The following USH1C variants were observed in gnomAD, a reference collection of about 807,000 sequenced individuals.
USH1C encodes the protein harmonin.
In USH1C, 90 loss-of-function variants were observed where a neutral mutation model predicts 119.3. The ratio of observed to expected loss-of-function variants is 0.75; its 90% CI spans 0.64 to 0.90. USH1C has a LOEUF of 0.90. USH1C is among the 40% of genes least tolerant of loss of function. The probability of loss-of-function intolerance (pLI) is 0.00; values close to 1 mark genes in which losing one functional copy is unlikely to be tolerated. For synonymous variants in USH1C, 465 were observed against 443.3 expected, an observed-to-expected ratio of 1.05 and a Z score of -0.62; for missense variants, 1,165 against 1,167.7, an observed-to-expected ratio of 1.00 and a Z score of 0.03.
intron 12 of USH1C, 30 bp from the exon 13 acceptor site, chr11:17,521,441 G>A (rs191271622): frequency 1.2e-6 from 2 of 1,610,136 alleles, no homozygotes; most frequent in Admixed American, 3.3e-5. Context: ...TGGCATGTTT[G>A]GCCCTATGCA....
At chr11:17,540,976 C>T (rs1255556579) in intron 1 of USH1C, among the ~76,000 whole-genome samples, 7 of 152,212 alleles carry the variant, frequency 4.6e-5, no homozygotes, top group African/African-American at 1.4e-4. Flanking sequence ...TCTCCACTCA[C>T]GATTCCTCTG....
rs1850676846 is a variant in USH1C, at chr11:17,526,424, C to G, written c.597G>C (p.Leu199=). 6.2e-7 allele frequency: 1 copy of G among 1,613,970 alleles called. No individual in the cohort carries two copies. Among genetic ancestry groups the G allele is most frequent in the African/African-American group, 1.3e-5 (1 of 74,938 alleles). Residue 199 remains leucine (L), a synonymous_variant, in exon 8 of 27, where the codon CTG becomes CTC. Coordinates refer to ENST00000005226, the MANE Select transcript of USH1C (RefSeq NM_153676.4). ...TGTTTTCCCGATTTCCAGGGGAGCCCAGGCTGCCTCGCACGCCCTGAAAGA... is the reference window on the plus strand; with the variant it reads ...TGTTTTCCCGATTTCCAGGGGAGCCGAGGCTGCCTCGCACGCCCTGAAAGA... ...VSESGGVRGS[L]GSPGNRENKE...
chr11:17,501,629 CT>C, intron 21 of USH1C, 94 bp from the exon 22 acceptor site: 1 of 1,397,636 alleles, frequency 7.2e-7, no homozygotes, highest in Admixed American at 1.9e-5. Context: ...CTATGGGACA[CT>C]GGGCCCCACA....
chr11:17,521,266 G>C (rs763592170), intron 13 of USH1C, 80 bp downstream of exon 13: 1 of 1,478,896 alleles, frequency 6.8e-7, no homozygotes, highest in Non-Finnish European at 9.5e-7. Context: ...AACTGGTTCT[G>C]GAGGCAGCCT....
At chr11:17,544,224 C>T in intron 1 of USH1C, 48 bp downstream of exon 1, 2 of 1,612,944 alleles carry the variant, frequency 1.2e-6, no homozygotes, top group Non-Finnish European at 1.7e-6. Flanking sequence ...ACCCACCGCG[C>T]CCAGGACTCC....
chr11:17,516,746 C>G (rs1328952946), intron 14 of USH1C: 1 of 274,126 alleles, frequency 3.6e-6, no homozygotes, highest in Non-Finnish European at 7.1e-6. Flanking sequence ...AACTGTTGTT[C>G]GACAGAACAA....
In USH1C at chr11:17,516,224, A is replaced by T; in HGVS notation, c.1260+17T>A. Reference sequence around the variant, plus strand: ...AAACTAAGCAGCACACCAGCACAGCACCCAACCCTGTCCTACCTTCCGGAT... The same window carrying T: ...AAACTAAGCAGCACACCAGCACAGCTCCCAACCCTGTCCTACCTTCCGGAT... On this transcript the variant is annotated intron_variant, in intron 15 of 26. Coordinates refer to ENST00000005226, the MANE Select transcript of USH1C (RefSeq NM_153676.4). The T allele has an allele frequency of 6.2e-7, 1 of 1,613,628 alleles. No individual in the cohort carries two copies. Among genetic ancestry groups the T allele is most frequent in the Non-Finnish European group, 8.5e-7 (1 of 1,179,828 alleles).
At chr11:17,512,525 CT>C (rs1481335183) in intron 15 of USH1C, among the ~76,000 whole-genome samples, 2 of 152,224 alleles carry the variant, frequency 1.3e-5, no homozygotes, top group African/African-American at 4.8e-5. Context: ...CACATGCCTT[CT>C]GCATCATCTC....
chr11:17,522,673 C>T, intron 12 of USH1C, 111 bp downstream of exon 12: 1 of 1,536,678 alleles, frequency 6.5e-7, no homozygotes, highest in Non-Finnish European at 8.9e-7. Flanking sequence ...GACTGGCCTC[C>T]AGGGAGGAGG....
chr11:17,512,443 T>C (rs1265237851), intron 15 of USH1C, among the ~76,000 whole-genome samples: 1 of 151,986 alleles, frequency 6.6e-6, no homozygotes, highest in Non-Finnish European at 1.5e-5. Context: ...TCTGTATAAA[T>C]AAAAAATAAA....
intron 18 of USH1C, among the ~76,000 whole-genome samples, chr11:17,508,552 T>C (rs761795244): frequency 2.0e-5 from 3 of 152,234 alleles, no homozygotes; most frequent in South Asian, 4.1e-4. Context: ...GGGAGTGGAA[T>C]AATATTTTGT....
chr11:17,521,297 G>A, intron 13 of USH1C, 49 bp downstream of exon 13: 1 of 1,601,226 alleles, frequency 6.2e-7, no homozygotes, highest in Non-Finnish European at 8.6e-7. Context: ...ACACTCCCCT[G>A]AGCACACTGA....
At chr11:17,517,813 C>T (rs753176828) in intron 14 of USH1C, among the ~76,000 whole-genome samples, 5 of 152,150 alleles carry the variant, frequency 3.3e-5, no homozygotes, top group African/African-American at 9.7e-5. Context: ...ATCTGAGAAT[C>T]GCACACGTTT....
intron 15 of USH1C, among the ~76,000 whole-genome samples, chr11:17,513,343 C>T (rs1022554707): frequency 4.0e-5 from 6 of 150,056 alleles, no homozygotes; most frequent in African/African-American, 1.5e-4. Context: ...CTCACCCCCG[C>T]CCCCAACAAG....
Position 17,544,278 on chromosome 11 carries a change from C to A in USH1C, c.30G>T (p.Arg10=), listed in dbSNP as rs1851605574. 3 of 1,614,072 alleles carry A rather than the reference C, an allele frequency of 1.9e-6. No homozygotes were observed. The highest frequency in any genetic ancestry group is 2.5e-6 in the Non-Finnish European group (3 of 1,180,000). The part of the protein sequence containing the change: MDRKVAREF[R]HKVDFLIEND... ...GGCGCCCTGCAGCTCTGACCTTATG[C>A]CGGAATTCTCGGGCCACTTTTCGGT... is the stretch of plus-strand genomic sequence containing the variant. The change falls in exon 1 of 27, where the codon CGG becomes CGT. Residue 10 remains arginine, a synonymous_variant. Coordinates refer to ENST00000005226, the MANE Select transcript of USH1C (RefSeq NM_153676.4).
intron 1 of USH1C, among the ~76,000 whole-genome samples, chr11:17,539,685 GT>G (rs1851373800): frequency 6.6e-6 from 1 of 152,034 alleles, no homozygotes; most frequent in African/African-American, 2.4e-5. Context: ...GTGCATCCCA[GT>G]GGTACCAGGC....
intron 15 of USH1C, among the ~76,000 whole-genome samples, chr11:17,514,836 A>T (rs1850066644): frequency 6.6e-6 from 1 of 151,658 alleles, no homozygotes; most frequent in Admixed American, 6.6e-5. Flanking sequence ...ATGAAAACCA[A>T]AATGACAGCT....
intron 23 of USH1C, among the ~76,000 whole-genome samples, chr11:17,500,513 G>A (rs567199441): frequency 7.9e-5 from 12 of 152,314 alleles, no homozygotes; most frequent in African/African-American, 2.6e-4. Context: ...CTGGCACATG[G>A]CTAGTTCTGG....
At position 17,531,056 on chromosome 11, in the gene USH1C, G is replaced by A. The variant is rs959117739; in HGVS notation, c.387+98C>T. The A allele has an allele frequency of 3.8e-6, 6 of 1,581,536 alleles. No individual in the cohort carries two copies. Among genetic ancestry groups the A allele is most frequent in the Admixed American group, 3.5e-5 (2 of 56,986 alleles). The stretch of plus-strand genomic sequence containing the variant: ...TCTTCACCCGAAGGCTCAGAAAAGT[G>A]GGTGACCATGTTGTGCCACACAGCC... On this transcript the variant is annotated intron_variant, in intron 4 of 26. Coordinates refer to ENST00000005226, the MANE Select transcript of USH1C (RefSeq NM_153676.4). This position sits in a 1 kb window ranked among gnomAD's most constrained non-coding sequence, Gnocchi z 4.2.
Sources: allele counts gnomAD v4.1 joint callset (sites outside exome capture counted in the v4.1 genomes callset), GRCh38; gene constraint gnomAD v4.1.1; non-coding constraint Gnocchi (gnomAD v3.1); transcripts MANE v1.5; gene names NCBI Gene and HGNC (gene_info 2026-07-23, HGNC 2026-07-21).